ZC2HC1A: variants seen among roughly 807,000 people sequenced by gnomAD.
ZC2HC1A encodes zinc finger C2HC-type containing 1A.
ZC2HC1A carries 28 observed loss-of-function variants against 40.7 expected under a neutral mutation model. The observed-to-expected ratio is 0.69, with a 90% CI of 0.51 to 0.94. The LOEUF is 0.94. Ranked by LOEUF, ZC2HC1A falls within the 40% of genes least tolerant of loss-of-function variation. The probability of loss-of-function intolerance (pLI) is 0.00; values close to 1 mark genes in which losing one functional copy is unlikely to be tolerated. For missense variants in ZC2HC1A, 389 were observed against 386.3 expected (o/e 1.01, Z -0.06); for synonymous variants, 129 against 129.2 (o/e 1.00, Z 0.01).
At chr8:78,677,163 A>C (rs556977081) in intron 2 of ZC2HC1A, among the ~76,000 whole-genome samples, 2 of 152,112 alleles carry the variant, frequency 1.3e-5, no homozygotes, top group South Asian at 4.1e-4. Context: ...TGACAGTTCT[A>C]CCTTCTTTAG....
chr8:78,687,913 A>AT (rs34974282), intron 4 of ZC2HC1A, among the ~76,000 whole-genome samples: 1 of 11,570 alleles, frequency 8.6e-5, no homozygotes, highest in Non-Finnish European at 3.9e-4. Flanking sequence ...ATTTATATAA[A>AT]TATATAATTA....
At chr8:78,669,971 C>CTTTTTTTTTTTTT (rs566684768) in intron 1 of ZC2HC1A, among the ~76,000 whole-genome samples, 1 of 126,284 alleles carries the variant, frequency 7.9e-6, no homozygotes, top group Non-Finnish European at 1.6e-5. Flanking sequence ...TTCTTTCTTT[C>CTTTTTTTTTTTTT]TTTTTTTTTT....
At chr8:78,682,917 C>T (rs989286178) in intron 3 of ZC2HC1A, among the ~76,000 whole-genome samples, 6 of 152,154 alleles carry the variant, frequency 3.9e-5, no homozygotes, top group African/African-American at 1.2e-4. Context: ...ACAAAGGGGC[C>T]ACAGGCTCCA....
At chr8:78,712,739 T>G (rs1367612278) in intron 7 of ZC2HC1A, among the ~76,000 whole-genome samples, 2 of 152,076 alleles carry the variant, frequency 1.3e-5, no homozygotes, top group Non-Finnish European at 2.9e-5. Context: ...GCATGAGTCT[T>G]CAAGGTTTAC....
chr8:78,706,006 C>T (rs1436157082), intron 7 of ZC2HC1A, among the ~76,000 whole-genome samples: 1 of 152,120 alleles, frequency 6.6e-6, no homozygotes, highest in Non-Finnish European at 1.5e-5. Flanking sequence ...GGATTGGGAA[C>T]CTGCTTAACC....
At chr8:78,673,731 G>A (rs1019876752) in intron 1 of ZC2HC1A, among the ~76,000 whole-genome samples, 6 of 152,158 alleles carry the variant, frequency 3.9e-5, no homozygotes, top group Non-Finnish European at 8.8e-5. Context: ...ACATGCACAT[G>A]CCATATTTTG....
intron 7 of ZC2HC1A, among the ~76,000 whole-genome samples, chr8:78,710,995 C>T (rs187017210): frequency 5.9e-5 from 9 of 152,022 alleles, no homozygotes; most frequent in Non-Finnish European, 1.2e-4. Flanking sequence ...TCCATAAGAA[C>T]AGGTATCAGA....
chr8:78,716,747 A>C (rs1280982864), intron 8 of ZC2HC1A, among the ~76,000 whole-genome samples: 1 of 152,150 alleles, frequency 6.6e-6, no homozygotes, highest in African/African-American at 2.4e-5. Flanking sequence ...CCCAAATCTC[A>C]TGTCAAATTG....
intron 3 of ZC2HC1A, among the ~76,000 whole-genome samples, chr8:78,682,424 T>G (rs975065138): frequency 2.6e-5 from 4 of 152,052 alleles, no homozygotes; most frequent in Non-Finnish European, 5.9e-5. Flanking sequence ...TGGTGGAAGG[T>G]GAAGAAGGAA....
intron 1 of ZC2HC1A, among the ~76,000 whole-genome samples, chr8:78,667,581 G>C (rs1809333894): frequency 1.3e-5 from 2 of 152,062 alleles, no homozygotes. Flanking sequence ...ATCATCATCT[G>C]ATTTTTCACT....
At chr8:78,684,680 A>G (rs1809904323) in intron 3 of ZC2HC1A, among the ~76,000 whole-genome samples, 1 of 152,214 alleles carries the variant, frequency 6.6e-6, no homozygotes, top group African/African-American at 2.4e-5. Context: ...GTAGGTTACT[A>G]TGCAAAAATA....
At chr8:78,716,737 C>T (rs1364844539) in intron 8 of ZC2HC1A, among the ~76,000 whole-genome samples, 3 of 152,056 alleles carry the variant, frequency 2.0e-5, no homozygotes, top group Admixed American at 6.6e-5. Flanking sequence ...TTGTGTCCTG[C>T]CCAAATCTCA....
chr8:78,678,810 A>G (rs1455517562), intron 3 of ZC2HC1A, 131 bp downstream of exon 3: 3 of 522,990 alleles, frequency 5.7e-6, no homozygotes, highest in African/African-American at 2.0e-5. Context: ...AATAAATACA[A>G]TTCTGTGTTA....
intron 3 of ZC2HC1A, among the ~76,000 whole-genome samples, chr8:78,686,160 A>C (rs1809963352): frequency 6.6e-6 from 1 of 152,204 alleles, no homozygotes; most frequent in Non-Finnish European, 1.5e-5. Flanking sequence ...ACATTTTAAC[A>C]TGAGTTTTGG....
intron 3 of ZC2HC1A, among the ~76,000 whole-genome samples, chr8:78,682,793 T>C (rs567433591): frequency 6.6e-6 from 1 of 152,284 alleles, no homozygotes; most frequent in Admixed American, 6.5e-5. Flanking sequence ...ACAAGGCAAG[T>C]TTCTTCTGCC....
At chr8:78,713,654 AC>A (rs978248714) in intron 7 of ZC2HC1A, among the ~76,000 whole-genome samples, 1 of 152,170 alleles carries the variant, frequency 6.6e-6, no homozygotes, top group African/African-American at 2.4e-5. Flanking sequence ...CCATTCATGC[AC>A]CAAAGTGATT....
At chr8:78,716,613 G>A (rs1315367200) in intron 8 of ZC2HC1A, among the ~76,000 whole-genome samples, 2 of 152,108 alleles carry the variant, frequency 1.3e-5, no homozygotes, top group African/African-American at 2.4e-5. Flanking sequence ...TTTCCTCATG[G>A]TTGGGTTCTC....
intron 7 of ZC2HC1A, among the ~76,000 whole-genome samples, chr8:78,701,670 A>G (rs1016931345): frequency 1.3e-5 from 2 of 152,212 alleles, no homozygotes; most frequent in Non-Finnish European, 2.9e-5. Flanking sequence ...TGTTCCTGCA[A>G]TACCTAGTTT....
intron 3 of ZC2HC1A, among the ~76,000 whole-genome samples, chr8:78,682,235 C>G (rs1809810927): frequency 1.3e-5 from 2 of 152,134 alleles, no homozygotes; most frequent in Admixed American, 6.6e-5. Flanking sequence ...GAAGGTTAAA[C>G]TGTAACCAAT....
Sources: gnomAD v4.1 joint callset for allele counts (sites outside exome capture counted in the v4.1 genomes callset) on GRCh38, gnomAD v4.1.1 for gene constraint, MANE v1.5 for transcripts, NCBI Gene and HGNC (gene_info 2026-07-23, HGNC 2026-07-21) for gene names.